GPC6: variants seen among roughly 807,000 people sequenced by gnomAD.
GPC6 encodes glypican-6.
GPC6 carries 14 observed loss-of-function variants against 55.2 expected under a neutral mutation model. The ratio of observed to expected loss-of-function variants is 0.25; its 90% CI spans 0.17 to 0.40. GPC6 has a LOEUF of 0.40. Among genes scored for constraint, GPC6 ranks in the 10% least tolerant of loss-of-function variants. GPC6 has a pLI of 1.00. For missense variants in GPC6, 641 were observed against 708.5 expected (o/e 0.90, Z 1.08); for synonymous variants, 278 against 259.6 (o/e 1.07, Z -0.68).
At chr13:93,685,988 C>G (rs1205786670) in intron 2 of GPC6, among the ~76,000 whole-genome samples, 1 of 152,096 alleles carries the variant, frequency 6.6e-6, no homozygotes, top group Non-Finnish European at 1.5e-5. Flanking sequence ...AATCTCTTCT[C>G]TGTTATATCA....
intron 1 of GPC6, among the ~76,000 whole-genome samples, chr13:93,247,003 T>C (rs1443634229): frequency 2.0e-5 from 3 of 151,270 alleles, no homozygotes; most frequent in African/African-American, 7.3e-5. Flanking sequence ...CTTTTTTCTT[T>C]TCTTTTTTTT....
intron 1 of GPC6, among the ~76,000 whole-genome samples, chr13:93,273,226 C>A (rs1263417368): frequency 6.7e-6 from 1 of 149,172 alleles, no homozygotes; most frequent in Non-Finnish European, 1.5e-5. Context: ...TTATCTAAAT[C>A]ATATCTAGGT....
intron 1 of GPC6, among the ~76,000 whole-genome samples, chr13:93,416,997 A>G (rs1876724135): frequency 6.6e-6 from 1 of 152,148 alleles, no homozygotes; most frequent in African/African-American, 2.4e-5. Flanking sequence ...TCAGAAAAAT[A>G]AAGCCACTGG....
chr13:94,402,240 C>T (rs1237826002), intron 8 of GPC6, among the ~76,000 whole-genome samples: 1 of 152,124 alleles, frequency 6.6e-6, no homozygotes, highest in Non-Finnish European at 1.5e-5. Context: ...CTCTATTTTT[C>T]TTTTAAAATC....
chr13:94,226,325 C>G (rs141849645), intron 4 of GPC6, among the ~76,000 whole-genome samples: 1 of 152,100 alleles, frequency 6.6e-6, no homozygotes, highest in Non-Finnish European at 1.5e-5. Flanking sequence ...CCCAGAGTTA[C>G]AGTTGGATAG....
intron 4 of GPC6, among the ~76,000 whole-genome samples, chr13:94,130,508 A>C (rs767507789): frequency 1.3e-5 from 2 of 152,184 alleles, no homozygotes; most frequent in Non-Finnish European, 2.9e-5. Flanking sequence ...CTAAACCAGC[A>C]TTCTAAGTGC....
intron 2 of GPC6, among the ~76,000 whole-genome samples, chr13:93,810,720 T>C (rs978519793): frequency 6.6e-6 from 1 of 152,198 alleles, no homozygotes; most frequent in Non-Finnish European, 1.5e-5. Context: ...CAATATTAAG[T>C]ATTGTGGAAT....
chr13:93,376,230 C>T (rs1378979214), intron 1 of GPC6, among the ~76,000 whole-genome samples: 1 of 151,788 alleles, frequency 6.6e-6, no homozygotes, highest in Admixed American at 6.6e-5. Context: ...TTATTTTGAG[C>T]CCCAGAATTA....
intron 1 of GPC6, among the ~76,000 whole-genome samples, chr13:93,488,732 AT>A (rs1373624948): frequency 2.6e-5 from 4 of 151,936 alleles, no homozygotes; most frequent in Non-Finnish European, 5.9e-5. Context: ...GATGATGAGC[AT>A]TTTTTCATGT....
intron 1 of GPC6, among the ~76,000 whole-genome samples, chr13:93,314,327 T>A (rs751394514): frequency 6.6e-6 from 1 of 152,122 alleles, no homozygotes; most frequent in African/African-American, 2.4e-5. Flanking sequence ...AGAATCAAAG[T>A]GATCACATCA....
At chr13:93,300,804 G>A (rs980683499) in intron 1 of GPC6, among the ~76,000 whole-genome samples, 3 of 152,102 alleles carry the variant, frequency 2.0e-5, no homozygotes, top group African/African-American at 7.2e-5. Context: ...AGGATCACAT[G>A]AGGTCAGGAG....
chr13:94,252,517 C>T (rs530558821), intron 4 of GPC6, among the ~76,000 whole-genome samples: 11 of 152,072 alleles, frequency 7.2e-5, no homozygotes, highest in Admixed American at 1.3e-4. Context: ...CTGTGTATGT[C>T]GGATAATGGC....
intron 2 of GPC6, among the ~76,000 whole-genome samples, chr13:93,690,563 A>G (rs1011647111): frequency 7.9e-5 from 12 of 151,908 alleles, no homozygotes; most frequent in Admixed American, 3.3e-4. Context: ...AGATCAGGAA[A>G]CCTATTCATT....
chr13:93,775,605 T>G (rs181147031), intron 2 of GPC6, among the ~76,000 whole-genome samples: 1 of 152,310 alleles, frequency 6.6e-6, no homozygotes, highest in Admixed American at 6.5e-5. Context: ...GTCAAGCAAA[T>G]ATTACTTTGC....
intron 3 of GPC6, among the ~76,000 whole-genome samples, chr13:93,897,581 A>G (rs1241963728): frequency 1.3e-5 from 2 of 152,190 alleles, no homozygotes; most frequent in East Asian, 1.9e-4. Flanking sequence ...GATTCACCAT[A>G]TAATTTTACA....
chr13:93,767,193 G>T (rs1594439605), intron 2 of GPC6, among the ~76,000 whole-genome samples: 1 of 152,048 alleles, frequency 6.6e-6, no homozygotes, highest in Non-Finnish European at 1.5e-5. Context: ...CCTTTTTTTA[G>T]ATAATTTCGG....
chr13:94,049,937 T>C (rs905774239), intron 4 of GPC6, among the ~76,000 whole-genome samples: 2 of 152,216 alleles, frequency 1.3e-5, no homozygotes, highest in Admixed American at 6.5e-5. Flanking sequence ...ATAAGTCTCA[T>C]GAGATCTGAT....
chr13:93,970,789 T>C (rs1238322820), intron 3 of GPC6, among the ~76,000 whole-genome samples: 2 of 152,186 alleles, frequency 1.3e-5, no homozygotes, highest in Non-Finnish European at 2.9e-5. Flanking sequence ...GGCCTAATAT[T>C]TGTAATGTTC....
intron 1 of GPC6, among the ~76,000 whole-genome samples, chr13:93,310,841 C>T (rs777974032): frequency 1.3e-5 from 2 of 152,310 alleles, no homozygotes; most frequent in South Asian, 2.1e-4. Context: ...TGACACATTG[C>T]ATCATATCTG....
Sources: allele counts gnomAD v4.1 joint callset (sites outside exome capture counted in the v4.1 genomes callset), GRCh38; gene constraint gnomAD v4.1.1; transcripts MANE v1.5; gene names NCBI Gene and HGNC (gene_info 2026-07-23, HGNC 2026-07-21).